BRD4: variants seen among roughly 807,000 people sequenced by gnomAD.
The protein encoded by BRD4 is bromodomain-containing protein 4.
BRD4 carries 16 observed loss-of-function variants against 142.1 expected under a neutral mutation model. That is an observed-to-expected ratio of 0.11 (90% CI 0.08 to 0.17). BRD4 has a LOEUF of 0.17. Ranked by LOEUF, BRD4 falls within the 10% of genes least tolerant of loss-of-function variation. BRD4 has a pLI of 1.00. For missense variants in BRD4, 1,424 were observed against 1,810.9 expected, an observed-to-expected ratio of 0.79 and a Z score of 3.88; for synonymous variants, 833 against 707.5, an observed-to-expected ratio of 1.18 and a Z score of -2.82.
intron 1 of BRD4, among the ~76,000 whole-genome samples, chr19:15,290,226 CAAGA>C (rs2047771698): frequency 6.6e-6 from 1 of 152,026 alleles, no homozygotes; most frequent in Non-Finnish European, 1.5e-5. Context: ...CATTTAACAC[CAAGA>C]GTAAGCTGAC....
At position 15,263,362 on chromosome 19, in the gene BRD4, C is replaced by T. The variant is rs1024740370; in HGVS notation, c.1341+58G>A. 15 of 1,575,724 alleles carry T rather than the reference C, an allele frequency of 9.5e-6. No individual in the cohort carries two copies. The African/African-American group carries it at 2.0e-4, about 21-fold the overall frequency. On this transcript the variant is annotated intron_variant, in intron 7 of 19. Transcript: ENST00000679869. The stretch of plus-strand genomic sequence containing the variant: ...CTCTGCCAAGGCCCACAGAAGTCTG[C>T]TCCCACGAGGACCTCAGCCTGCTCT...
chr19:15,272,251 A>C (rs564458315), intron 2 of BRD4, among the ~76,000 whole-genome samples: 52 of 152,262 alleles, frequency 3.4e-4, no homozygotes, highest in African/African-American at 1.2e-3. Flanking sequence ...AGGGAGGGCA[A>C]CACCACCTGT....
At chr19:15,309,470 A>G (rs1412903827) in intron 1 of BRD4, among the ~76,000 whole-genome samples, 1 of 152,190 alleles carries the variant, frequency 6.6e-6, no homozygotes, top group African/African-American at 2.4e-5. Flanking sequence ...TATGTCCAGC[A>G]ATGTAAAATG....
chr19:15,271,965 T>TGGCTCTGGTGTGCACACACCAGG (rs2047592842), intron 2 of BRD4, among the ~76,000 whole-genome samples: 1 of 151,668 alleles, frequency 6.6e-6, no homozygotes. Flanking sequence ...CACACACCAG[T>TGGCTCTGGTGTGCACACACCAGG]CTGGGTCAGT....
rs1488753107 is a variant in BRD4, at chr19:15,254,290, A to G, written c.2048-28T>C. 3.1e-6 allele frequency: 5 copies of G among 1,597,534 alleles called. No individual in the cohort carries two copies. In the South Asian group the frequency reaches 4.4e-5, roughly 14 times the overall value. ...GCAATCCAAGCAATGGGAGCTGGTC[A>G]GGCAGGGCTGTGGCCCAGGAAGCCG... On this transcript the variant is annotated intron_variant, in intron 10 of 19. Transcript: ENST00000679869.
At chr19:15,309,258 A>T (rs1599513703) in intron 1 of BRD4, among the ~76,000 whole-genome samples, 1 of 147,558 alleles carries the variant, frequency 6.8e-6, no homozygotes, top group Admixed American at 7.0e-5. Flanking sequence ...GCATGAACCC[A>T]GGAGGTGGAG....
intron 1 of BRD4, among the ~76,000 whole-genome samples, chr19:15,280,637 C>CA (rs2047696633): frequency 6.6e-6 from 1 of 152,170 alleles, no homozygotes; most frequent in Non-Finnish European, 1.5e-5. Context: ...AGTAAGATGC[C>CA]TGAGGGGACA....
rs1026979615 is a variant in BRD4 at position 15,240,019 on chromosome 19, T to C, written c.3173A>G (p.His1058Arg). The change falls in exon 15 of 20, where the codon CAC (histidine) becomes CGC (arginine). Residue 1058 changes from histidine to arginine, a missense_variant. Coordinates refer to ENST00000679869, the MANE Select transcript of BRD4 (RefSeq NM_001379291.1). ...HHKSDPYSTG[H>R]LREAPSPLMI... ...AAGCGGGGAGGGGGCTTCGCGGAGG[T>C]GACCTAGGAGAAGGGACAAGGAATG... 3 of 1,609,702 alleles carry C rather than the reference T, an allele frequency of 1.9e-6. No homozygotes were observed. In the Admixed American group the frequency reaches 5.0e-5, roughly 27 times the overall value.
At chr19:15,245,685 C>T (rs1156859696) in intron 11 of BRD4, among the ~76,000 whole-genome samples, 1 of 152,202 alleles carries the variant, frequency 6.6e-6, no homozygotes, top group Non-Finnish European at 1.5e-5. Flanking sequence ...GGTGTACAAG[C>T]CCCACAGGGG....
At chr19:15,243,579 G>C (rs1403538456) in intron 13 of BRD4, 92 bp from the exon 14 acceptor site, 2 of 1,424,050 alleles carry the variant, frequency 1.4e-6, no homozygotes, top group East Asian at 2.8e-5. Flanking sequence ...CTGGACTCCA[G>C]TGCTCTCCTA....
intron 4 of BRD4, among the ~76,000 whole-genome samples, chr19:15,266,147 C>T (rs1311213793): frequency 1.1e-4 from 16 of 152,324 alleles, no homozygotes; most frequent in Non-Finnish European, 1.5e-4. Flanking sequence ...CTGGCTCGAG[C>T]GCTGCCTCCC....
chr19:15,254,154 G>A lies in BRD4; in HGVS notation c.2156C>T (p.Thr719Ile), dbSNP rs1423553476. 1 of 1,613,530 alleles carries A rather than the reference G, an allele frequency of 6.2e-7. No individual in the cohort carries two copies. Among genetic ancestry groups the A allele is most frequent in the Non-Finnish European group, 8.5e-7 (1 of 1,179,556 alleles). The change falls in exon 11 of 20, where the codon ACA becomes ATA. Residue 719 changes from threonine to isoleucine, a missense_variant and splice_region_variant. By Grantham distance (89) the Thr-to-Ile change is moderately conservative (BLOSUM62 -1). Around this residue, in one of 16 missense-constraint regions of BRD4, gnomAD observed 598 missense variants for 647.8 expected, o/e 0.92. Transcript: ENST00000679869. ...ACGTAGAACACAAGTCACCTAACCT[G>A]TTTCGGAGTCTTCGCTGTCAGAGGA... Reference protein sequence around the residue: ...SSSSDSEDSETEMAPKSKKKG... With the variant: ...SSSSDSEDSEIEMAPKSKKKG...
intron 11 of BRD4, 95 bp from the exon 12 acceptor site, chr19:15,244,857 GAGAAGGACC>G: frequency 6.3e-7 from 1 of 1,598,928 alleles, no homozygotes; most frequent in South Asian, 1.1e-5. Flanking sequence ...GCACTTTCAG[GAGAAGGACC>G]AGTGACCCTG....
chr19:15,297,688 G>A (rs2047835052), intron 1 of BRD4, among the ~76,000 whole-genome samples: 1 of 152,210 alleles, frequency 6.6e-6, no homozygotes, highest in Non-Finnish European at 1.5e-5. Flanking sequence ...TTTAGTGGGA[G>A]ATGCCCCACC....
At chr19:15,288,733 G>T (rs1260216847) in intron 1 of BRD4, among the ~76,000 whole-genome samples, 1 of 152,254 alleles carries the variant, frequency 6.6e-6, no homozygotes, top group African/African-American at 2.4e-5. Context: ...TGGCCACTAA[G>T]CCGTGGCGGG....
At chr19:15,313,886 AGCACAAGTAACT>A (rs1286839559) in intron 1 of BRD4, among the ~76,000 whole-genome samples, 3 of 152,178 alleles carry the variant, frequency 2.0e-5, no homozygotes, top group African/African-American at 7.2e-5. Flanking sequence ...CCTGGCACTC[AGCACAAGTAACT>A]GCTCAATAAC....
intron 11 of BRD4, 139 bp downstream of exon 11, chr19:15,254,013 A>G: frequency 1.3e-6 from 1 of 758,138 alleles, no homozygotes. Flanking sequence ...CAGTTAACAA[A>G]GAGACAGACA....
intron 1 of BRD4, among the ~76,000 whole-genome samples, chr19:15,281,378 T>C (rs1278603748): frequency 6.6e-6 from 1 of 152,190 alleles, no homozygotes; most frequent in African/African-American, 2.4e-5. Flanking sequence ...AAGCTCTCTG[T>C]TCCCCACTGG....
chr19:15,286,308 C>T (rs2047739682), intron 1 of BRD4, among the ~76,000 whole-genome samples: 1 of 152,162 alleles, frequency 6.6e-6, no homozygotes, highest in Non-Finnish European at 1.5e-5. Context: ...TAATCAGGCA[C>T]CGTGGTACTC....
Sources: allele counts gnomAD v4.1 joint callset (sites outside exome capture counted in the v4.1 genomes callset), GRCh38; gene constraint gnomAD v4.1.1; regional missense constraint gnomAD v4.1.1; transcripts MANE v1.5; gene names NCBI Gene and HGNC (gene_info 2026-07-23, HGNC 2026-07-21).